The following ZNF519 variants were observed in gnomAD, a reference collection of about 807,000 sequenced individuals.
ZNF519 encodes the protein similar to Zinc finger protein 85 (Zinc finger protein HPF4) (HTF1).
In ZNF519, 7 loss-of-function variants were observed where a neutral mutation model predicts 7.4. That is an observed-to-expected ratio of 0.94 (90% CI 0.54 to 1.77). ZNF519 has a LOEUF of 1.77. Among genes scored for constraint, ZNF519 ranks in the 40% most tolerant of loss-of-function variants. ZNF519 has a pLI of 0.00. For synonymous variants in ZNF519, 179 were observed against 203.3 expected (o/e 0.88, Z 1.02); for missense variants, 586 against 623.1 (o/e 0.94, Z 0.63).
chr18:14,114,985 A>C (rs1205028801), intron 2 of ZNF519, among the ~76,000 whole-genome samples: 1 of 152,198 alleles, frequency 6.6e-6, no homozygotes, highest in Non-Finnish European at 1.5e-5. Flanking sequence ...ATATAAATTT[A>C]AGTTGCAAAG....
At chr18:14,108,234 G>C (rs1429005352) in intron 2 of ZNF519, among the ~76,000 whole-genome samples, 1 of 152,114 alleles carries the variant, frequency 6.6e-6, no homozygotes, top group Non-Finnish European at 1.5e-5. Flanking sequence ...GGTGAAACTC[G>C]ACCTTCGAGG....
Position 14,105,893 on chromosome 18 carries a change from T to C in ZNF519, c.647A>G (p.Glu216Gly). The C allele has an allele frequency of 1.9e-6, 3 of 1,608,778 alleles. No homozygotes were observed. Among genetic ancestry groups the C allele is most frequent in the Non-Finnish European group, 2.5e-6 (3 of 1,178,642 alleles). ...KKPYNSNECG[E>G]TSDPFSKLTQ... ...AAGCTTTGAGAATGGGTCAGAAGTTTCACCACATTCATTAGAGTTGTAAGG... is the reference window on the plus strand; with the variant it reads ...AAGCTTTGAGAATGGGTCAGAAGTTCCACCACATTCATTAGAGTTGTAAGG... Residue 216 changes from glutamate to glycine, a missense_variant, in exon 3 of 3, where the codon GAA becomes GGA. Transcript: ENST00000590202.
chr18:14,086,480 A>G (rs139508060), intron 2 of ZNF519, among the ~76,000 whole-genome samples: 1 of 152,306 alleles, frequency 6.6e-6, no homozygotes, highest in East Asian at 1.9e-4. Flanking sequence ...TGTCTCATCC[A>G]TGCCCCACTA....
At chr18:14,080,709 G>T (rs1205553519) in intron 3 of ZNF519, among the ~76,000 whole-genome samples, 1 of 152,080 alleles carries the variant, frequency 6.6e-6, no homozygotes, top group Non-Finnish European at 1.5e-5. Flanking sequence ...GAAAACTTAG[G>T]TCCACACAAA....
chr18:14,106,474 C>G, intron 2 of ZNF519, 65 bp from the exon 3 acceptor site: 1 of 1,405,180 alleles, frequency 7.1e-7, no homozygotes, highest in Non-Finnish European at 9.4e-7. Context: ...CTTTACAAAT[C>G]TAATATGAAA....
At chr18:14,121,060 G>C (rs1598521618) in intron 2 of ZNF519, among the ~76,000 whole-genome samples, 1 of 152,118 alleles carries the variant, frequency 6.6e-6, no homozygotes, top group East Asian at 1.9e-4. Flanking sequence ...AGGACATTAT[G>C]CTAAATGAAA....
intron 1 of ZNF519, among the ~76,000 whole-genome samples, chr18:14,127,106 G>A (rs1242404899): frequency 6.6e-6 from 1 of 152,178 alleles, no homozygotes; most frequent in African/African-American, 2.4e-5. Context: ...CAGTTTACAG[G>A]GAGGCACAGT....
intron 2 of ZNF519, chr18:14,121,717 TAC>T (rs1424101609): frequency 6.6e-6 from 1 of 152,186 alleles, no homozygotes; most frequent in East Asian, 1.9e-4. Flanking sequence ...GAACTGAGTA[TAC>T]ACATATACGA....
chr18:14,128,116 C>T (rs1292626921), intron 1 of ZNF519, among the ~76,000 whole-genome samples: 1 of 151,572 alleles, frequency 6.6e-6, no homozygotes, highest in African/African-American at 2.4e-5. Flanking sequence ...GGTGAAACCC[C>T]GTCTCTACTA....
chr18:14,095,287 G>C (rs748059531), downstream of ZNF519, among the ~76,000 whole-genome samples: 22 of 152,242 alleles, frequency 1.4e-4, no homozygotes, highest in Admixed American at 2.6e-4. Context: ...GTCACTGTGT[G>C]ACTCTGCCTC....
At chr18:14,106,707 A>G (rs1190756473) in intron 2 of ZNF519, among the ~76,000 whole-genome samples, 1 of 152,222 alleles carries the variant, frequency 6.6e-6, no homozygotes, top group Non-Finnish European at 1.5e-5. Context: ...AAAAGAGGGT[A>G]GGAAAGACCG....
At chr18:14,071,676 C>G (rs1189739932), downstream of ZNF519, 1 of 151,968 alleles carries the variant, frequency 6.6e-6, no homozygotes, top group African/African-American at 2.4e-5. Flanking sequence ...GTAATAAACG[C>G]AGGTATAATT....
At chr18:14,081,951 T>G (rs2046072186) in intron 3 of ZNF519, among the ~76,000 whole-genome samples, 1 of 151,798 alleles carries the variant, frequency 6.6e-6, no homozygotes, top group South Asian at 2.1e-4. Flanking sequence ...ATAACAAGAC[T>G]GTTTATATTA....
At chr18:14,080,147 CAGGGAAAAACAAATAAGAACA>C (rs988613436) in intron 3 of ZNF519, 1 of 151,888 alleles carries the variant, frequency 6.6e-6, no homozygotes, top group African/African-American at 2.4e-5. Flanking sequence ...CATATTTCAC[CAGGGAAAAACAAATAAGAACA>C]ATATATCAGT....
At chr18:14,099,585 A>G (rs750297075), downstream of ZNF519, among the ~76,000 whole-genome samples, 8 of 152,228 alleles carry the variant, frequency 5.3e-5, no homozygotes, top group Non-Finnish European at 1.0e-4. Context: ...TGAATATTAA[A>G]TATACAAGAG....
chr18:14,123,536 T>C (rs559968164), intron 2 of ZNF519, among the ~76,000 whole-genome samples: 1 of 152,100 alleles, frequency 6.6e-6, no homozygotes, highest in African/African-American at 2.4e-5. Flanking sequence ...CTGGGCAACA[T>C]GGCAAAACCC....
chr18:14,098,170 T>C (rs2046145512), downstream of ZNF519, among the ~76,000 whole-genome samples: 1 of 151,726 alleles, frequency 6.6e-6, no homozygotes, highest in African/African-American at 2.4e-5. Flanking sequence ...TCTTTTTTTT[T>C]TTTTTTTGAG....
At chr18:14,117,440 A>G (rs1194454247) in intron 2 of ZNF519, among the ~76,000 whole-genome samples, 19 of 152,210 alleles carry the variant, frequency 1.2e-4, no homozygotes, top group Admixed American at 1.2e-3. Context: ...TGTCAAGAGC[A>G]TAGAGGAATT....
chr18:14,098,960 C>T (rs2046148726), downstream of ZNF519, among the ~76,000 whole-genome samples: 1 of 152,112 alleles, frequency 6.6e-6, no homozygotes, highest in Non-Finnish European at 1.5e-5. Flanking sequence ...TTATAGTCTC[C>T]ACCCTAACTT....
Sources: allele counts gnomAD v4.1 joint callset (sites outside exome capture counted in the v4.1 genomes callset), GRCh38; gene constraint gnomAD v4.1.1; transcripts MANE v1.5; gene names NCBI Gene and HGNC (gene_info 2026-07-23, HGNC 2026-07-21).